TMC1: variants seen among roughly 807,000 people sequenced by gnomAD.
TMC1 encodes transmembrane channel like 1.
A neutral mutation model predicts 105.8 loss-of-function variants in TMC1; 84 were observed. That is an observed-to-expected ratio of 0.79 (90% CI 0.67 to 0.95). TMC1 has a LOEUF of 0.95. Ranked by LOEUF, TMC1 falls within the 40% of genes least tolerant of loss-of-function variation. The pLI is 0.00. For missense variants in TMC1, 817 were observed against 914.1 expected (o/e 0.89, Z 1.37); for synonymous variants, 315 against 311.5 (o/e 1.01, Z -0.12).
chr9:72,785,194 C>T (rs1202803436), intron 13 of TMC1, among the ~76,000 whole-genome samples: 2 of 152,126 alleles, frequency 1.3e-5, no homozygotes, highest in African/African-American at 4.8e-5. Flanking sequence ...TGTTCTAAGA[C>T]CCCCAGTGGA....
At chr9:72,655,588 A>T (rs1169007818) in intron 5 of TMC1, among the ~76,000 whole-genome samples, 1 of 152,020 alleles carries the variant, frequency 6.6e-6, no homozygotes, top group African/African-American at 2.4e-5. Context: ...TAAATATACA[A>T]AAAATTAGCC....
intron 5 of TMC1, among the ~76,000 whole-genome samples, chr9:72,669,433 T>G (rs1416560209): frequency 6.6e-6 from 1 of 152,230 alleles, no homozygotes; most frequent in Non-Finnish European, 1.5e-5. Context: ...TCATTTCAGC[T>G]TTTAATTAAT....
chr9:72,542,059 C>G (rs2132064908), intron 1 of TMC1, among the ~76,000 whole-genome samples: 1 of 152,278 alleles, frequency 6.6e-6, no homozygotes, highest in African/African-American at 2.4e-5. Context: ...CGTGGTGGTT[C>G]ACATCTGTAA....
rs780380356 is a variant in TMC1, at chr9:72,528,640, A to G, written c.-428+6727A>G. Among the ~76,000 whole-genome samples, 50 of 152,080 alleles carry G rather than the reference A, an allele frequency of 3.3e-4. 1 individual carries two copies. The highest frequency in any genetic ancestry group is 6.9e-4 in the Non-Finnish European group (47 of 67,998). On this transcript the variant is annotated intron_variant, in intron 1 of 23. Transcript: ENST00000297784. Reference sequence around the variant, plus strand: ...TGAGCCACTGCACCTGGCCAAGTTCATGATTTTTGTAATTAGCATCCAAAA... The same window carrying G: ...TGAGCCACTGCACCTGGCCAAGTTCGTGATTTTTGTAATTAGCATCCAAAA...
intron 1 of TMC1, among the ~76,000 whole-genome samples, chr9:72,575,666 C>T (rs1367947845): frequency 2.6e-5 from 4 of 152,120 alleles, no homozygotes; most frequent in East Asian, 1.9e-4. Flanking sequence ...GCCCAGAAGG[C>T]GACACTAACT....
At chr9:72,523,701 G>A (rs941317990) in intron 1 of TMC1, among the ~76,000 whole-genome samples, 6 of 151,992 alleles carry the variant, frequency 3.9e-5, no homozygotes, top group African/African-American at 1.4e-4. Flanking sequence ...GGAGGTGGAA[G>A]GGGAGGCAGG....
At chr9:72,619,155 C>T (rs1241600417) in intron 3 of TMC1, among the ~76,000 whole-genome samples, 2 of 152,108 alleles carry the variant, frequency 1.3e-5, no homozygotes, top group Admixed American at 6.5e-5. Context: ...CAAAAGAACT[C>T]AGGAGCCACC....
chr9:72,641,869 G>A (rs1825634553), intron 4 of TMC1, among the ~76,000 whole-genome samples: 2 of 140,426 alleles, frequency 1.4e-5, no homozygotes, highest in African/African-American at 2.7e-5. Flanking sequence ...CCAGGCTGGA[G>A]TGCAGTGGTG....
chr9:72,770,634 A>G (rs998907047), intron 12 of TMC1, among the ~76,000 whole-genome samples: 1 of 151,976 alleles, frequency 6.6e-6, no homozygotes, highest in African/African-American at 2.4e-5. Context: ...CTACAGATAT[A>G]AAAGGAGATT....
At chr9:72,581,688 C>G (rs1490549489) in intron 2 of TMC1, among the ~76,000 whole-genome samples, 1 of 152,206 alleles carries the variant, frequency 6.6e-6, no homozygotes, top group African/African-American at 2.4e-5. Flanking sequence ...CTCATCTCCA[C>G]TGTTTTTCCT....
intron 1 of TMC1, among the ~76,000 whole-genome samples, chr9:72,545,322 G>T (rs946585569): frequency 8.4e-6 from 1 of 119,194 alleles, no homozygotes; most frequent in African/African-American, 3.5e-5. Flanking sequence ...ACATTAATAT[G>T]TTTTTTTTAA....
intron 3 of TMC1, among the ~76,000 whole-genome samples, chr9:72,624,268 G>T (rs1012849904): frequency 6.6e-6 from 1 of 152,114 alleles, no homozygotes; most frequent in East Asian, 1.9e-4. Flanking sequence ...GAACTGGGGT[G>T]GCTAAAGACG....
At chr9:72,627,763 T>A (rs1825375755) in intron 3 of TMC1, among the ~76,000 whole-genome samples, 158 bp from the exon 4 acceptor site, 1 of 152,182 alleles carries the variant, frequency 6.6e-6, no homozygotes, top group African/African-American at 2.4e-5. Context: ...TGGCTATTCT[T>A]GTCTGTGGCA....
chr9:72,534,556 A>T (rs539997333), intron 1 of TMC1, among the ~76,000 whole-genome samples: 36 of 152,322 alleles, frequency 2.4e-4, no homozygotes, highest in South Asian at 6.2e-4. Context: ...TAACTTCTAA[A>T]ATTTGTATTT....
intron 8 of TMC1, among the ~76,000 whole-genome samples, chr9:72,720,121 G>T (rs1344668562): frequency 6.6e-6 from 1 of 152,106 alleles, no homozygotes; most frequent in Non-Finnish European, 1.5e-5. Flanking sequence ...TTCAAGGTAG[G>T]TTTTACTATT....
At chr9:72,747,811 G>A (rs1827515832) in intron 10 of TMC1, among the ~76,000 whole-genome samples, 1 of 152,132 alleles carries the variant, frequency 6.6e-6, no homozygotes, top group Admixed American at 6.5e-5. Context: ...GACCAGGCAG[G>A]TCTTGAACTC....
chr9:72,796,242 A>G (rs1418773774), intron 17 of TMC1, among the ~76,000 whole-genome samples: 1 of 152,180 alleles, frequency 6.6e-6, no homozygotes, highest in Non-Finnish European at 1.5e-5. Context: ...ACCACCACCC[A>G]ATAATAGCCC....
intron 5 of TMC1, among the ~76,000 whole-genome samples, chr9:72,653,952 T>G (rs1825849114): frequency 6.6e-6 from 1 of 152,236 alleles, no homozygotes; most frequent in African/African-American, 2.4e-5. Context: ...ATCCAAATTG[T>G]TGGGTGTATC....
At chr9:72,770,412 T>G (rs1012163917) in intron 12 of TMC1, among the ~76,000 whole-genome samples, 1 of 145,918 alleles carries the variant, frequency 6.9e-6, no homozygotes, top group African/African-American at 2.5e-5. Context: ...CATATAAAAT[T>G]TGTTGGGTTT....
Sources: gnomAD v4.1 joint callset for allele counts (sites outside exome capture counted in the v4.1 genomes callset) on GRCh38, gnomAD v4.1.1 for gene constraint, MANE v1.5 for transcripts, NCBI Gene and HGNC (gene_info 2026-07-23, HGNC 2026-07-21) for gene names.